The following LSP1 variants were observed in gnomAD, a reference collection of about 807,000 sequenced individuals.
LSP1 encodes lymphocyte-specific protein 1.
In LSP1, 32 loss-of-function variants were observed where a neutral mutation model predicts 49.3. The observed-to-expected ratio is 0.65, with a 90% CI of 0.49 to 0.87. The LOEUF is 0.87. Ranked by LOEUF, LSP1 falls within the 40% of genes least tolerant of loss-of-function variation. The probability of loss-of-function intolerance (pLI) is 0.00; values close to 1 mark genes in which losing one functional copy is unlikely to be tolerated. For missense variants in LSP1, 428 were observed against 442.6 expected, an observed-to-expected ratio of 0.97 and a Z score of 0.30; for synonymous variants, 179 against 178.8, an observed-to-expected ratio of 1.00 and a Z score of -0.01.
intron 1 of LSP1, among the ~76,000 whole-genome samples, chr11:1,867,848 A>G (rs1163673419): frequency 2.4e-5 from 3 of 125,798 alleles, no homozygotes; most frequent in East Asian, 5.6e-4. Context: ...TGCCCCAGCG[A>G]TTCTCCTTGT....
At chr11:1,889,774 C>A in intron 10 of LSP1, 2 of 649,012 alleles carry the variant, frequency 3.1e-6, no homozygotes, top group Non-Finnish European at 5.7e-6. Context: ...CAGGTCGGGG[C>A]TATGGGCACC....
In LSP1 at chr11:1,853,390, CACA is replaced by C. The variant is rs1004159141; in HGVS notation, c.53+198_53+200del. Among the ~76,000 whole-genome samples the C allele has an allele frequency of 9.9e-5, 15 of 152,230 alleles. No individual in the cohort carries two copies. The South Asian group carries it at 1.0e-3, about 11-fold the overall frequency. ...GGAAGTCTTGCTGGGACCCCCCTCT[CACA>C]ACAAGGGTGGAGGTCTCTTCCGCCT... On this transcript the variant is annotated intron_variant, in intron 1 of 10. Coordinates refer to ENST00000311604, the MANE Select transcript of LSP1 (RefSeq NM_002339.3).
At chr11:1,875,728 G>A (rs1457249134) in intron 1 of LSP1, among the ~76,000 whole-genome samples, 1 of 152,230 alleles carries the variant, frequency 6.6e-6, no homozygotes, top group Non-Finnish European at 1.5e-5. Context: ...AGGCCCCGGG[G>A]GGGAGGCTGG....
chr11:1,866,554 G>A (rs1282961531), intron 1 of LSP1: 5 of 1,545,246 alleles, frequency 3.2e-6, no homozygotes, highest in Non-Finnish European at 4.4e-6. Flanking sequence ...TCTGCAGTGG[G>A]CCCCTGGCTG....
chr11:1,878,914 C>A (rs1365217377), intron 1 of LSP1, among the ~76,000 whole-genome samples: 2 of 152,096 alleles, frequency 1.3e-5, no homozygotes, highest in Non-Finnish European at 2.9e-5. Flanking sequence ...AGCTGCTGGG[C>A]CGGGGCTCTG....
At chr11:1,883,304 A>C in intron 3 of LSP1, 115 bp from the exon 4 acceptor site, 2 of 1,344,908 alleles carry the variant, frequency 1.5e-6, no homozygotes, top group Non-Finnish European at 2.1e-6. Context: ...TTGGCACTCA[A>C]GTAGCCTGAC....
At position 1,886,759 on chromosome 11, in the gene LSP1, C is replaced by T. The variant is rs767390484; in HGVS notation, c.745C>T (p.Arg249Cys). 1.1e-5 allele frequency: 18 copies of T among 1,611,212 alleles called. No individual in the cohort carries two copies. The highest frequency in any genetic ancestry group is 4.0e-5 in the African/African-American group (3 of 74,838). Reference sequence around the variant, plus strand: ...CGCTGGCCGGACCCCCAAGCTAGCCCGCCAGGCCTCCATAGAGCTGCCCAG... The same window carrying T: ...CGCTGGCCGGACCCCCAAGCTAGCCTGCCAGGCCTCCATAGAGCTGCCCAG... ...ETAGRTPKLA[R>C]QASIELPSMA... Residue 249 changes from arginine (R) to cysteine (C), a missense_variant, in exon 8 of 11, where the codon CGC (arginine) becomes TGC (cysteine). Physicochemically the swap from Arg to Cys is radical, Grantham distance 180. Transcript: ENST00000311604.
At chr11:1,866,779 C>G (rs567011070) in intron 1 of LSP1, 6 of 1,550,472 alleles carry the variant, frequency 3.9e-6, no homozygotes, top group Non-Finnish European at 5.2e-6. Context: ...ACAAATGGGC[C>G]CAAGAGAAGG....
At chr11:1,889,783 C>A in intron 10 of LSP1, 1 of 648,988 alleles carries the variant, frequency 1.5e-6, no homozygotes, top group Non-Finnish European at 2.8e-6. Flanking sequence ...GCTATGGGCA[C>A]CACAACCCTG....
intron 1 of LSP1, chr11:1,869,261 G>A (rs539611391): frequency 1.6e-3 from 373 of 238,448 alleles, no homozygotes; most frequent in Non-Finnish European, 2.7e-3. Flanking sequence ...GCCTGGCCAG[G>A]GATGCTGGGA....
Position 1,890,391 on chromosome 11 carries a change from G to T in LSP1, c.*14-1382G>T, listed in dbSNP as rs762924893. 2.2e-5 allele frequency: 16 copies of T among 716,938 alleles called. No individual in the cohort carries two copies. The South Asian group carries it at 2.4e-4, about 11-fold the overall frequency. The allele number at this position is 716,938 out of a possible 1,614,324, so 44.4% of individuals were successfully genotyped here. ...GCTGGCCTCACTCACGGGGGACAGGGAGGTGCGGAAGGCCCTGGGTGGAGC... is the reference window on the plus strand; with the variant it reads ...GCTGGCCTCACTCACGGGGGACAGGTAGGTGCGGAAGGCCCTGGGTGGAGC... On this transcript the variant is annotated intron_variant, in intron 10 of 10. Transcript: ENST00000311604.
intron 1 of LSP1, among the ~76,000 whole-genome samples, chr11:1,855,217 C>T (rs1051197243): frequency 6.6e-6 from 1 of 152,190 alleles, no homozygotes; most frequent in Admixed American, 6.5e-5. Flanking sequence ...CTAAGGGAAC[C>T]GGGGAGTTTC....
intron 1 of LSP1, among the ~76,000 whole-genome samples, chr11:1,867,581 C>T (rs1460736416): frequency 2.6e-5 from 4 of 152,090 alleles, no homozygotes; most frequent in East Asian, 1.9e-4. Context: ...ATGATGAGCC[C>T]GGGTCCCTGG....
At chr11:1,872,278 GC>G (rs1848062448) in intron 1 of LSP1, among the ~76,000 whole-genome samples, 1 of 129,646 alleles carries the variant, frequency 7.7e-6, no homozygotes. Context: ...GGTCTGTCCG[GC>G]TGGCGTGGGC....
In LSP1 at chr11:1,887,297, A is replaced by T. The variant is rs1184872981; in HGVS notation, c.913A>T (p.Thr305Ser). 3 of 1,602,990 alleles carry T rather than the reference A, an allele frequency of 1.9e-6. No homozygotes were observed. Among genetic ancestry groups the T allele is most frequent in the Admixed American group, 3.4e-5 (2 of 58,826 alleles). The stretch of plus-strand genomic sequence containing the variant: ...CTGGGAGCAGAAGGGAGGCTCCAAG[A>T]CCTCATCAACAATTAAGGTAGAGCC... ...SLWEQKGGSKTSSTIKSTPSG... is the reference protein window; with the variant it reads ...SLWEQKGGSKSSSTIKSTPSG... The change falls in exon 9 of 11, where the codon ACC becomes TCC. Residue 305 changes from threonine (T) to serine (S), a missense_variant. Transcript: ENST00000311604.
At chr11:1,854,657 C>T (rs1031610080) in intron 1 of LSP1, among the ~76,000 whole-genome samples, 5 of 151,980 alleles carry the variant, frequency 3.3e-5, no homozygotes, top group Admixed American at 6.5e-5. Flanking sequence ...TCGGGACGTC[C>T]GTGCCTGTCC....
chr11:1,887,723 C>T, intron 10 of LSP1, 147 bp downstream of exon 10: 1 of 609,080 alleles, frequency 1.6e-6, no homozygotes, highest in Non-Finnish European at 2.9e-6. Flanking sequence ...AGCTCAGTCT[C>T]CCAGTCCTGT....
At position 1,884,239 on chromosome 11, in the gene LSP1, C is replaced by T; in HGVS notation, c.592-41C>T. 1.9e-6 allele frequency: 3 copies of T among 1,612,586 alleles called. No homozygotes were observed. Among genetic ancestry groups the T allele is most frequent in the Non-Finnish European group, 2.5e-6 (3 of 1,178,716 alleles). On this transcript the variant is annotated intron_variant, in intron 5 of 10. Transcript: ENST00000311604. The surrounding 1 kb of genome is among the most constrained non-coding windows in gnomAD (Gnocchi z 4.1). Reference sequence around the variant, plus strand: ...TGGGGAGATGGAGGGTGGGCTTTACCTCGGCTGCTGCAGGCCTGTGTCTCT... The same window carrying T: ...TGGGGAGATGGAGGGTGGGCTTTACTTCGGCTGCTGCAGGCCTGTGTCTCT...
At chr11:1,889,413 CG>C (rs967438108) in intron 10 of LSP1, 5 of 680,598 alleles carry the variant, frequency 7.3e-6, no homozygotes, top group South Asian at 3.1e-5. Context: ...GGCGGGGGCC[CG>C]GGGTGCGGTG....
Sources: gnomAD v4.1 joint callset for allele counts (sites outside exome capture counted in the v4.1 genomes callset) on GRCh38, gnomAD v4.1.1 for gene constraint, Gnocchi (gnomAD v3.1) non-coding constraint, MANE v1.5 for transcripts, NCBI Gene and HGNC (gene_info 2026-07-23, HGNC 2026-07-21) for gene names.